Variants in NLGN1 observed in about 807,000 individuals in gnomAD.
NLGN1 encodes the protein neuroligin-1.
Under a neutral mutation model 65.5 loss-of-function variants are expected in NLGN1, and 12 were observed. The observed-to-expected ratio is 0.18, with a 90% CI of 0.12 to 0.30. The LOEUF (loss-of-function observed/expected upper bound fraction) is 0.30. Ranked by LOEUF, NLGN1 falls within the 10% of genes least tolerant of loss-of-function variation. NLGN1 has a pLI of 1.00. For missense variants in NLGN1, 750 were observed against 1,007.1 expected, an observed-to-expected ratio of 0.74 and a Z score of 3.46; for synonymous variants, 350 against 359.5, an observed-to-expected ratio of 0.97 and a Z score of 0.30.
intron 3 of NLGN1, among the ~76,000 whole-genome samples, chr3:173,707,574 C>G (rs1308946983): frequency 6.6e-6 from 1 of 152,056 alleles, no homozygotes; most frequent in Non-Finnish European, 1.5e-5. Flanking sequence ...AAGACTGAGT[C>G]TCTGTCTCCC....
chr3:174,279,201 A>C lies in NLGN1; in HGVS notation c.1200A>C (p.Val400=), dbSNP rs1577786548. 6.2e-7 allele frequency: 1 copy of C among 1,613,328 alleles called. No homozygotes were observed. The highest frequency in any genetic ancestry group is 8.5e-7 in the Non-Finnish European group (1 of 1,179,514). The stretch of plus-strand genomic sequence containing the variant: ...GGTTAAAATTTGTTGAAAATATAGT[A>C]GATAGCGATGATGGTATATCAGCTA... The change falls in exon 6 of 7, where the codon GTA becomes GTC. Residue 400 remains valine (V), a synonymous_variant. Coordinates refer to ENST00000457714, the Ensembl canonical transcript of NLGN1. The surrounding 1 kb of genome is among the most constrained non-coding windows in gnomAD (Gnocchi z 4.7).
chr3:174,138,664 G>C (rs952480241), intron 4 of NLGN1, among the ~76,000 whole-genome samples: 9 of 151,936 alleles, frequency 5.9e-5, no homozygotes, highest in African/African-American at 1.2e-4. Flanking sequence ...TTGATCTCCT[G>C]ACCTCGTGAT....
chr3:173,449,773 G>T (rs1183895746), intron 2 of NLGN1, among the ~76,000 whole-genome samples: 3 of 152,126 alleles, frequency 2.0e-5, no homozygotes, highest in African/African-American at 7.2e-5. Context: ...ATATTTAGGA[G>T]AGTTAGTTCT....
chr3:173,844,141 CAG>C (rs1725310030), intron 4 of NLGN1, among the ~76,000 whole-genome samples: 1 of 152,112 alleles, frequency 6.6e-6, no homozygotes, highest in African/African-American at 2.4e-5. Flanking sequence ...ATCACAAGAA[CAG>C]CACAGGAAAA....
chr3:174,030,122 C>CTT (rs3979617), intron 4 of NLGN1, among the ~76,000 whole-genome samples: 137 of 118,296 alleles, frequency 1.2e-3, no homozygotes, highest in Non-Finnish European at 1.2e-3. Context: ...TTTAAGTTAG[C>CTT]TTTTTTTTTT....
intron 2 of NLGN1, among the ~76,000 whole-genome samples, chr3:173,591,392 T>A (rs557672046): frequency 5.9e-5 from 9 of 152,176 alleles, no homozygotes; most frequent in Admixed American, 5.9e-4. Context: ...CTGGTTGAGC[T>A]CTAAGCCAGG....
intron 4 of NLGN1, among the ~76,000 whole-genome samples, chr3:173,959,471 A>G (rs751211471): frequency 1.6e-4 from 24 of 152,380 alleles, no homozygotes; most frequent in Non-Finnish European, 2.9e-4. Context: ...TACATGAGAA[A>G]GAAATAAACC....
chr3:173,867,092 G>T (rs1730325245), intron 4 of NLGN1, among the ~76,000 whole-genome samples: 1 of 152,070 alleles, frequency 6.6e-6, no homozygotes, highest in South Asian at 2.1e-4. Context: ...GCACATTAAG[G>T]ATAATTTTCC....
At chr3:173,898,221 CATT>C (rs1430746817) in intron 4 of NLGN1, among the ~76,000 whole-genome samples, 2 of 152,118 alleles carry the variant, frequency 1.3e-5, no homozygotes, top group Non-Finnish European at 2.9e-5. Flanking sequence ...ATCTTTCAAT[CATT>C]GAGATAATTT....
chr3:173,800,284 C>T (rs1715168466), intron 3 of NLGN1: 1 of 1,087,456 alleles, frequency 9.2e-7, no homozygotes, highest in African/African-American at 1.7e-5. Context: ...TCTCCGTTCT[C>T]AATCCTAGGT....
intron 4 of NLGN1, among the ~76,000 whole-genome samples, chr3:174,197,837 T>C (rs1011741871): frequency 2.0e-5 from 3 of 151,934 alleles, no homozygotes; most frequent in Non-Finnish European, 4.4e-5. Flanking sequence ...TTAAGATTTA[T>C]TTCTGATTAT....
intron 4 of NLGN1, among the ~76,000 whole-genome samples, chr3:174,070,647 A>AAATG (rs1222999900): frequency 1.3e-5 from 2 of 152,140 alleles, no homozygotes; most frequent in Admixed American, 1.3e-4. Context: ...TGACATTTTT[A>AAATG]AATGAAAAGT....
intron 4 of NLGN1, among the ~76,000 whole-genome samples, chr3:173,876,921 G>T (rs984006368): frequency 2.0e-5 from 3 of 152,062 alleles, no homozygotes; most frequent in Admixed American, 2.0e-4. Context: ...AATACAGAAA[G>T]AATGAGGGAA....
chr3:173,789,857 A>G (rs924181721), intron 3 of NLGN1: 3 of 514,194 alleles, frequency 5.8e-6, no homozygotes, highest in Non-Finnish European at 7.8e-6. Flanking sequence ...ATTTTTCCCA[A>G]CTGCCTCACC....
intron 4 of NLGN1, among the ~76,000 whole-genome samples, chr3:173,956,412 C>T (rs982251547): frequency 1.3e-5 from 2 of 152,050 alleles, no homozygotes; most frequent in African/African-American, 4.8e-5. Context: ...TCCTTCTTCC[C>T]TTATCTCTTC....
At chr3:173,667,582 C>T (rs1392482713) in intron 3 of NLGN1, among the ~76,000 whole-genome samples, 1 of 151,972 alleles carries the variant, frequency 6.6e-6, no homozygotes, top group Non-Finnish European at 1.5e-5. Flanking sequence ...TTTTTCTGTA[C>T]CAGGATTCTA....
intron 4 of NLGN1, among the ~76,000 whole-genome samples, chr3:173,830,493 C>G (rs1166079269): frequency 6.6e-6 from 1 of 152,050 alleles, no homozygotes; most frequent in Non-Finnish European, 1.5e-5. Flanking sequence ...ATTTCTATGT[C>G]CTTTCCAACA....
At chr3:173,660,385 CATACTT>C (rs1417477751) in intron 3 of NLGN1, among the ~76,000 whole-genome samples, 1 of 150,986 alleles carries the variant, frequency 6.6e-6, no homozygotes, top group Non-Finnish European at 1.5e-5. Flanking sequence ...AAATAAAAAA[CATACTT>C]AGAAGTCAAT....
chr3:173,611,305 C>A (rs1577526397), intron 3 of NLGN1, among the ~76,000 whole-genome samples: 1 of 152,066 alleles, frequency 6.6e-6, no homozygotes, highest in East Asian at 1.9e-4. Flanking sequence ...AATGGAGGAA[C>A]AAAGAAGTTA....
Sources: gnomAD v4.1 joint callset for allele counts (sites outside exome capture counted in the v4.1 genomes callset) on GRCh38, gnomAD v4.1.1 for gene constraint, Gnocchi (gnomAD v3.1) non-coding constraint, MANE v1.5 for transcripts, NCBI Gene and HGNC (gene_info 2026-07-23, HGNC 2026-07-21) for gene names.